Variants in ZNF528 observed in about 807,000 individuals in gnomAD.
ZNF528 encodes the protein zinc finger protein 528.
In ZNF528, 9 loss-of-function variants were observed where a neutral mutation model predicts 13.3. That is an observed-to-expected ratio of 0.67 (90% CI 0.41 to 1.18). The LOEUF (loss-of-function observed/expected upper bound fraction) is 1.18. Ranked by LOEUF, ZNF528 falls within the 50% of genes most tolerant of loss-of-function variation. The probability of loss-of-function intolerance (pLI) is 0.01; values close to 1 mark genes in which losing one functional copy is unlikely to be tolerated. For synonymous variants in ZNF528, 264 were observed against 254.3 expected (o/e 1.04, Z -0.36); for missense variants, 858 against 745.4 (o/e 1.15, Z -1.76).
At chr19:52,401,790 T>C (rs1249148950) in intron 3 of ZNF528, 37 bp downstream of exon 3, 2 of 1,510,188 alleles carry the variant, frequency 1.3e-6, no homozygotes, top group Non-Finnish European at 8.8e-7. Flanking sequence ...TCCAAAATTA[T>C]TAACATCTGC....
chr19:52,415,255 T>A lies in ZNF528; in HGVS notation c.403T>A (p.Phe135Ile). ...AAGGAAAATTTCTGGGTGTAAGCAT[T>A]TTGAAAAACCCGTCAGTGACAATTC... ...AERKISGCKH[F>I]EKPVSDNSSV... Residue 135 changes from phenylalanine (F) to isoleucine (I), a missense_variant, in exon 7 of 7, where the codon TTT (phenylalanine) becomes ATT (isoleucine). By Grantham distance (21) the Phe-to-Ile change is conservative. Transcript: ENST00000360465. The A allele has an allele frequency of 1.2e-6, 2 of 1,614,088 alleles. No individual in the cohort carries two copies. Among genetic ancestry groups the A allele is most frequent in the Non-Finnish European group, 1.7e-6 (2 of 1,180,024 alleles).
At position 52,398,547 on chromosome 19, in the gene ZNF528, G is replaced by A. The variant is rs1032709476; in HGVS notation, c.-209G>A. Reference sequence around the variant, plus strand: ...TGTGGAGAAAAAGAGATGGGAACGAGGCAGAGGAAATAGAGAAATTTTGAA... The same window carrying A: ...TGTGGAGAAAAAGAGATGGGAACGAAGCAGAGGAAATAGAGAAATTTTGAA... On this transcript the variant is annotated 5_prime_UTR_variant, in exon 2 of 7. Transcript: ENST00000360465. 2.0e-6 allele frequency: 2 copies of A among 984,366 alleles called. No homozygotes were observed. Among genetic ancestry groups the A allele is most frequent in the Non-Finnish European group, 2.4e-6 (2 of 829,126 alleles). The allele number at this position is 984,366 out of a possible 1,614,324, so 61.0% of individuals were successfully genotyped here. A position where few individuals can be genotyped will look rare whatever the true frequency, so the allele number is the denominator to read the frequency against.
chr19:52,413,735 T>C (rs1820691), intron 6 of ZNF528: 1 of 152,300 alleles, frequency 6.6e-6, no homozygotes, highest in African/African-American at 2.4e-5. Flanking sequence ...GATCTGTGGG[T>C]GGGACAACAG....
In ZNF528 at chr19:52,405,787, A is replaced by G. The variant is rs577127702; in HGVS notation, c.16-120A>G. The G allele has an allele frequency of 1.3e-4, 170 of 1,355,904 alleles. No individual in the cohort carries two copies. The African/African-American group carries it at 2.3e-3, about 19-fold the overall frequency. 84.0% of individuals were successfully genotyped at this position (1,355,904 alleles called of 1,614,324 possible). ...ACGTAACTGGCTCAAGAATACCTTA[A>G]TATGGATTTTTCACAGTGCTCACAT... On this transcript the variant is annotated intron_variant, in intron 4 of 6. Coordinates refer to ENST00000360465, the MANE Select transcript of ZNF528 (RefSeq NM_032423.3).
In ZNF528 at chr19:52,415,107, T is replaced by G; in HGVS notation, c.272-17T>G. The G allele has an allele frequency of 3.1e-6, 5 of 1,609,952 alleles. No homozygotes were observed. Among genetic ancestry groups the G allele is most frequent in the Non-Finnish European group, 4.2e-6 (5 of 1,177,942 alleles). ...ATTATCATGGGTTGAAGTTCCACTT[T>G]TTTCTTTCTGTTTTAGAGAGGAGCT... On this transcript the variant is annotated splice_polypyrimidine_tract_variant and intron_variant, in intron 6 of 6. Transcript: ENST00000360465.
chr19:52,412,676 C>G (rs1336507779), intron 6 of ZNF528: 1 of 147,904 alleles, frequency 6.8e-6, no homozygotes, highest in African/African-American at 2.5e-5. Context: ...TTTGTTACAG[C>G]GAGGACAGAG....
intron 6 of ZNF528, 82 bp from the exon 7 acceptor site, chr19:52,415,042 G>A: frequency 6.3e-7 from 1 of 1,596,556 alleles, no homozygotes; most frequent in African/African-American, 1.3e-5. Flanking sequence ...TGAGTCAGGT[G>A]AGGCAGAATC....
chr19:52,404,045 C>A (rs1428150205), intron 4 of ZNF528, among the ~76,000 whole-genome samples: 1 of 151,902 alleles, frequency 6.6e-6, no homozygotes, highest in East Asian at 1.9e-4. Flanking sequence ...AGGTAATTGT[C>A]AATTTTCTTT....
chr19:52,405,234 C>A (rs570692449), intron 4 of ZNF528, among the ~76,000 whole-genome samples: 2,175 of 145,038 alleles, frequency 0.015, 56 homozygotes, highest in African/African-American at 0.052. Context: ...AAAAAAAAAA[C>A]CCAAAACTAC....
In ZNF528 at chr19:52,401,846, G is replaced by T; in HGVS notation, c.-68+93G>T. 6 of 1,529,084 alleles carry T rather than the reference G, an allele frequency of 3.9e-6. 1 individual carries two copies. The South Asian group carries it at 6.1e-5, about 15-fold the overall frequency. 94.7% of individuals were successfully genotyped at this position (1,529,084 alleles called of 1,614,324 possible). A position where few individuals can be genotyped will look rare whatever the true frequency, so the allele number is the denominator to read the frequency against. On this transcript the variant is annotated intron_variant, in intron 3 of 6. Transcript: ENST00000360465. ...AGACCTATGTAGAAAGTCAAAGTTTGAGGATTACCTCAGGGTGAGGTCTTC... is the reference window on the plus strand; with the variant it reads ...AGACCTATGTAGAAAGTCAAAGTTTTAGGATTACCTCAGGGTGAGGTCTTC...
intron 6 of ZNF528, among the ~76,000 whole-genome samples, chr19:52,409,765 G>A (rs958665081): frequency 2.6e-5 from 4 of 151,908 alleles, no homozygotes; most frequent in Non-Finnish European, 5.9e-5. Context: ...CCCAGGGGCT[G>A]GAGTGCAGTG....
At chr19:52,411,795 A>G (rs2058934428) in intron 6 of ZNF528, 1 of 152,178 alleles carries the variant, frequency 6.6e-6, no homozygotes. Context: ...AACATTTCAA[A>G]TCCTGGGTTA....
Position 52,416,254 on chromosome 19 carries a change from A to G in ZNF528, c.1402A>G (p.Lys468Glu). The G allele has an allele frequency of 6.2e-7, 1 of 1,613,972 alleles. No individual in the cohort carries two copies. The highest frequency in any genetic ancestry group is 8.5e-7 in the Non-Finnish European group (1 of 1,179,958). The change falls in exon 7 of 7, where the codon AAA becomes GAA. Residue 468 changes from lysine to glutamate, a missense_variant. Coordinates refer to ENST00000360465, the MANE Select transcript of ZNF528 (RefSeq NM_032423.3). Reference protein sequence around the residue: ...IHSGEKPYECKECGKVFRYKS... With the variant: ...IHSGEKPYECEECGKVFRYKS... ...TAGTGGAGAGAAACCTTATGAATGTAAAGAATGTGGCAAAGTCTTCAGGTA... is the reference window on the plus strand; with the variant it reads ...TAGTGGAGAGAAACCTTATGAATGTGAAGAATGTGGCAAAGTCTTCAGGTA...
rs1312207539 is a variant in ZNF528 at position 52,416,387 on chromosome 19, A to G, written c.1535A>G (p.Gln512Arg). Residue 512 changes from glutamine to arginine, a missense_variant, in exon 7 of 7, where the codon CAG becomes CGG. Transcript: ENST00000360465. ...CGCAGTTCAAACCTGGTATGCCATC[A>G]GAAAATTCATACAGGAGAAAAGCCT... Reference protein sequence around the residue: ...FSRSSNLVCHQKIHTGEKPYK... With the variant: ...FSRSSNLVCHRKIHTGEKPYK... 6.2e-7 allele frequency: 1 copy of G among 1,614,072 alleles called. No individual in the cohort carries two copies. The highest frequency in any genetic ancestry group is 8.5e-7 in the Non-Finnish European group (1 of 1,179,896).
chr19:52,408,823 T>A (rs2058892670), intron 6 of ZNF528, among the ~76,000 whole-genome samples: 1 of 152,154 alleles, frequency 6.6e-6, no homozygotes, highest in Non-Finnish European at 1.5e-5. Context: ...CACCTCAGCC[T>A]CCCAAGTTGT....
At chr19:52,401,294 A>G (rs998479360) in intron 2 of ZNF528, among the ~76,000 whole-genome samples, 15 of 152,184 alleles carry the variant, frequency 9.9e-5, no homozygotes, top group Non-Finnish European at 1.9e-4. Flanking sequence ...AGCTCAGATG[A>G]CAGACACCTT....
At chr19:52,399,425 A>T (rs1178292311) in intron 2 of ZNF528, among the ~76,000 whole-genome samples, 1 of 152,198 alleles carries the variant, frequency 6.6e-6, no homozygotes, top group Non-Finnish European at 1.5e-5. Context: ...AGCCTGGCCA[A>T]CATGTGAAAC....
At position 52,406,498 on chromosome 19, in the gene ZNF528, C is replaced by T; in HGVS notation, c.143-17C>T. On this transcript the variant is annotated splice_polypyrimidine_tract_variant and intron_variant, in intron 5 of 6. Coordinates refer to ENST00000360465, the MANE Select transcript of ZNF528 (RefSeq NM_032423.3). ...GGAGATGCCACAGCACACATTTATTCTTTCTTTTATAAATAGGAATCTGTC... is the reference window on the plus strand; with the variant it reads ...GGAGATGCCACAGCACACATTTATTTTTTCTTTTATAAATAGGAATCTGTC... 6.2e-7 allele frequency: 1 copy of T among 1,611,108 alleles called. No homozygotes were observed. Among genetic ancestry groups the T allele is most frequent in the Non-Finnish European group, 8.5e-7 (1 of 1,179,266 alleles).
chr19:52,402,383 C>T (rs766909046), intron 4 of ZNF528: 6 of 320,672 alleles, frequency 1.9e-5, no homozygotes, highest in South Asian at 8.6e-5. Context: ...AGAAGCTGCA[C>T]GTCAAAGTTC....
Sources: gnomAD v4.1 joint callset for allele counts (sites outside exome capture counted in the v4.1 genomes callset) on GRCh38, gnomAD v4.1.1 for gene constraint, MANE v1.5 for transcripts, NCBI Gene and HGNC (gene_info 2026-07-23, HGNC 2026-07-21) for gene names.